Variants in LCA5 observed in about 807,000 individuals in gnomAD.
LCA5 encodes the protein lebercilin LCA5.
In LCA5, 37 loss-of-function variants were observed where a neutral mutation model predicts 53.0. The observed-to-expected ratio is 0.70, with a 90% CI of 0.54 to 0.92. LCA5 has a LOEUF of 0.92. LCA5 is among the 40% of genes least tolerant of loss of function. LCA5 has a pLI of 0.00. For synonymous variants in LCA5, 303 were observed against 282.9 expected, an observed-to-expected ratio of 1.07 and a Z score of -0.71; for missense variants, 806 against 790.5, an observed-to-expected ratio of 1.02 and a Z score of -0.23.
rs960088948 is a variant in LCA5, at chr6:79,486,624, A to G, written c.*380T>C. 6 of 176,868 alleles carry G rather than the reference A, an allele frequency of 3.4e-5. No individual in the cohort carries two copies. Among genetic ancestry groups the G allele is most frequent in the African/African-American group, 1.2e-4 (5 of 41,608 alleles). The allele number at this position is 176,868 out of a possible 1,614,324, so 11.0% of individuals were successfully genotyped here. A position where few individuals can be genotyped will look rare whatever the true frequency, so the allele number is the denominator to read the frequency against. Reference sequence around the variant, plus strand: ...GACTTTCACCCTTAATTTTCATTCAACAATTAGTGGGAAGACTGTATTTAG... The same window carrying G: ...GACTTTCACCCTTAATTTTCATTCAGCAATTAGTGGGAAGACTGTATTTAG... On this transcript the variant is annotated 3_prime_UTR_variant, in exon 8 of 8. Transcript: ENST00000369846.
In LCA5 at chr6:79,527,583, T is replaced by C. The variant is rs1766828573; in HGVS notation, c.-191-8498A>G. ...GCGCATGACTCCGCCCCAGCTGGGA[T>C]GATGTATGGTAAACTACCCAATTTC... On this transcript the variant is annotated intron_variant, in intron 1 of 7. Coordinates refer to ENST00000369846, the MANE Select transcript of LCA5 (RefSeq NM_001122769.3). 2.6e-5 allele frequency among the ~76,000 whole-genome samples: 4 copies of C among 152,178 alleles called. No homozygotes were observed. In the South Asian group the frequency reaches 8.3e-4, roughly 32 times the overall value.
chr6:79,519,715 CAAAAAAAAAAA>C (rs397887695), intron 1 of LCA5, among the ~76,000 whole-genome samples: 1 of 50,000 alleles, frequency 2.0e-5, no homozygotes, highest in African/African-American at 6.7e-5. Flanking sequence ...GACTCCATCT[CAAAAAAAAAAA>C]AAAAAAAGAA....
chr6:79,532,143 T>C (rs1562115467), intron 1 of LCA5, among the ~76,000 whole-genome samples: 1 of 152,176 alleles, frequency 6.6e-6, no homozygotes, highest in Non-Finnish European at 1.5e-5. Context: ...GATTCCTTCT[T>C]CCTACATCTC....
At position 79,486,503 on chromosome 6, in the gene LCA5, G is replaced by C. The variant is rs1372057452; in HGVS notation, c.*501C>G. On this transcript the variant is annotated 3_prime_UTR_variant, in exon 8 of 8. Coordinates refer to ENST00000369846, the MANE Select transcript of LCA5 (RefSeq NM_001122769.3). Reference sequence around the variant, plus strand: ...TATCACTCAAGAGTAGCTTAGGACTGCCACGTAAGATAGGGACCCCTGGCC... The same window carrying C: ...TATCACTCAAGAGTAGCTTAGGACTCCCACGTAAGATAGGGACCCCTGGCC... The C allele has an allele frequency of 1.3e-5, 2 of 154,426 alleles. No homozygotes were observed. The highest frequency in any genetic ancestry group is 2.9e-5 in the Non-Finnish European group (2 of 69,786). The allele number at this position is 154,426 out of a possible 1,614,324, so 9.6% of individuals were successfully genotyped here. A position where few individuals can be genotyped will look rare whatever the true frequency, so the allele number is the denominator to read the frequency against.
At chr6:79,490,175 G>A (rs1382253750) in intron 6 of LCA5, among the ~76,000 whole-genome samples, 1 of 152,056 alleles carries the variant, frequency 6.6e-6, no homozygotes, top group Non-Finnish European at 1.5e-5. Context: ...ACTCTATTAA[G>A]TCTTTTTCCA....
intron 1 of LCA5, among the ~76,000 whole-genome samples, chr6:79,534,935 T>C (rs1205261243): frequency 6.6e-6 from 1 of 152,186 alleles, no homozygotes; most frequent in African/African-American, 2.4e-5. Context: ...TATTCAGAAT[T>C]GGCATATGCG....
intron 1 of LCA5, among the ~76,000 whole-genome samples, chr6:79,528,343 C>T (rs60903631): frequency 9.7e-4 from 148 of 152,246 alleles, no homozygotes; most frequent in African/African-American, 3.4e-3. Flanking sequence ...CTTGTACCCA[C>T]ATCCCAAACA....
At chr6:79,536,615 C>T (rs1767132329) in intron 1 of LCA5, among the ~76,000 whole-genome samples, 1 of 152,080 alleles carries the variant, frequency 6.6e-6, no homozygotes, top group Non-Finnish European at 1.5e-5. Context: ...TCATCCCATC[C>T]CTGAAGGATG....
intron 3 of LCA5, among the ~76,000 whole-genome samples, chr6:79,499,844 C>G (rs1469854318): frequency 6.6e-6 from 1 of 151,252 alleles, no homozygotes; most frequent in Admixed American, 6.6e-5. Flanking sequence ...ATCCCTCCCC[C>G]ACTCCCCCCA....
At chr6:79,515,650 GA>G (rs1766408854) in intron 2 of LCA5, among the ~76,000 whole-genome samples, 1 of 151,896 alleles carries the variant, frequency 6.6e-6, no homozygotes, top group African/African-American at 2.4e-5. Flanking sequence ...GTAAAAAAAT[GA>G]AGAAACACTA....
intron 3 of LCA5, among the ~76,000 whole-genome samples, chr6:79,510,099 A>G: frequency 6.6e-6 from 1 of 152,222 alleles, no homozygotes; most frequent in East Asian, 1.9e-4. Flanking sequence ...CTCTAATGTT[A>G]AGGTTTATTA....
rs1046859110 is a variant in LCA5 at position 79,535,304 on chromosome 6, T to C, written c.-192+1861A>G. 2.6e-5 allele frequency among the ~76,000 whole-genome samples: 4 copies of C among 152,106 alleles called. No individual in the cohort carries two copies. In the East Asian group the frequency reaches 7.7e-4, roughly 29 times the overall value. ...CAAGGCTCTTCAGTAGGGTTAATAT[T>C]ATCAGATCTGACATTTGCAAGGATC... On this transcript the variant is annotated intron_variant, in intron 1 of 7. Transcript: ENST00000369846.
intron 3 of LCA5, among the ~76,000 whole-genome samples, chr6:79,496,830 C>T (rs532009052): frequency 1.3e-5 from 2 of 152,006 alleles, no homozygotes; most frequent in East Asian, 3.9e-4. Context: ...ACCAATATGC[C>T]CTTAGAAAAG....
In LCA5 at chr6:79,487,032, T is replaced by G. The variant is rs749127744; in HGVS notation, c.2066A>C (p.Asp689Ala). ...TCTCAGTGCTACTTCTTCAATTTCA[T>G]CTTCTACAGAATCAGCTGCTTTTAC... The part of the protein sequence containing the change: ...PAVKAADSVE[D>A]EIEEVALR The change falls in exon 8 of 8, where the codon GAT (aspartate) becomes GCT (alanine). Residue 689 changes from aspartate (D) to alanine (A), a missense_variant. Coordinates refer to ENST00000369846, the MANE Select transcript of LCA5 (RefSeq NM_001122769.3). The G allele has an allele frequency of 1.2e-6, 2 of 1,613,472 alleles. No individual in the cohort carries two copies. The highest frequency in any genetic ancestry group is 2.7e-5 in the African/African-American group (2 of 74,916).
chr6:79,537,038 C>G (rs969764745), intron 1 of LCA5, 127 bp downstream of exon 1: 5 of 152,802 alleles, frequency 3.3e-5, no homozygotes, highest in African/African-American at 1.2e-4. Flanking sequence ...TTCATCTTCC[C>G]TGCTTTAAGA....
chr6:79,519,574 G>A (rs1339918636), intron 1 of LCA5, among the ~76,000 whole-genome samples: 5 of 151,832 alleles, frequency 3.3e-5, no homozygotes, highest in East Asian at 1.9e-4. Context: ...AAAATTAGCT[G>A]GGCGTGGTGG....
At position 79,487,832 on chromosome 6, in the gene LCA5, T is replaced by A; in HGVS notation, c.1266A>T (p.Lys422Asn). The A allele has an allele frequency of 6.2e-7, 1 of 1,608,626 alleles. No homozygotes were observed. Among genetic ancestry groups the A allele is most frequent in the Non-Finnish European group, 8.5e-7 (1 of 1,178,300 alleles). The change falls in exon 8 of 8, where the codon AAA (lysine) becomes AAT (asparagine). Residue 422 changes from lysine to asparagine, a missense_variant. Lys to Asn is a moderately conservative substitution (Grantham distance 94, BLOSUM62 0). Transcript: ENST00000369846. The stretch of plus-strand genomic sequence containing the variant: ...CTCTTTCCAGTAAAGATGCCTTTTC[T>A]TTTTGCTTTTTATCAAGTTCTTCTC... ...WEREELDKKQ[K>N]EKASLLEREE...
At chr6:79,516,555 G>A (rs562328115) in intron 2 of LCA5, among the ~76,000 whole-genome samples, 2 of 151,974 alleles carry the variant, frequency 1.3e-5, no homozygotes, top group East Asian at 3.9e-4. Flanking sequence ...AAAACTCTGA[G>A]TATAAATTTT....
intron 3 of LCA5, among the ~76,000 whole-genome samples, chr6:79,500,301 G>A (rs538480387): frequency 6.6e-6 from 1 of 151,778 alleles, no homozygotes; most frequent in African/African-American, 2.4e-5. Context: ...TTTTTCCAAA[G>A]GACATATCAC....
Sources: gnomAD v4.1 joint callset for allele counts (sites outside exome capture counted in the v4.1 genomes callset) on GRCh38, gnomAD v4.1.1 for gene constraint, MANE v1.5 for transcripts, NCBI Gene and HGNC (gene_info 2026-07-23, HGNC 2026-07-21) for gene names.